The following HS3ST4 variants were observed in gnomAD, a reference collection of about 807,000 sequenced individuals.
HS3ST4 encodes heparan sulfate glucosamine 3-O-sulfotransferase 4.
HS3ST4 carries 17 observed loss-of-function variants against 29.2 expected under a neutral mutation model. The observed-to-expected ratio is 0.58, with a 90% CI of 0.40 to 0.87. The LOEUF is 0.87. HS3ST4 is among the 40% of genes least tolerant of loss of function. HS3ST4 has a pLI of 0.00. For missense variants in HS3ST4, 627 were observed against 634.5 expected, an observed-to-expected ratio of 0.99 and a Z score of 0.13; for synonymous variants, 314 against 285.7, an observed-to-expected ratio of 1.10 and a Z score of -1.00.
At chr16:25,904,138 GGA>G (rs1968153333) in intron 1 of HS3ST4, among the ~76,000 whole-genome samples, 2 of 112,874 alleles carry the variant, frequency 1.8e-5, no homozygotes, top group Non-Finnish European at 3.5e-5. Context: ...ATGGATGGAT[GGA>G]TGGATGGATG....
rs1450312459 is a variant in HS3ST4, at chr16:26,116,581, A to G, written c.735-19031A>G. Among the ~76,000 whole-genome samples the G allele has an allele frequency of 3.3e-5, 5 of 152,146 alleles. No individual in the cohort carries two copies. The East Asian group carries it at 9.6e-4, about 29-fold the overall frequency. ...AAATTTAAAGAAAAATATTGAGTCC[A>G]TGATAGCAATAACATATGTAGCATC... On this transcript the variant is annotated intron_variant, in intron 1 of 1. Coordinates refer to ENST00000331351, the MANE Select transcript of HS3ST4 (RefSeq NM_006040.3).
At chr16:25,735,055 G>C (rs1047989032) in intron 1 of HS3ST4, among the ~76,000 whole-genome samples, 16 of 152,228 alleles carry the variant, frequency 1.1e-4, no homozygotes, top group African/African-American at 3.9e-4. Context: ...GCACACTTCA[G>C]ATGTCTGTGC....
chr16:25,970,817 G>T (rs1386603947), intron 1 of HS3ST4, among the ~76,000 whole-genome samples: 1 of 151,366 alleles, frequency 6.6e-6, no homozygotes. Flanking sequence ...CCTTTCACAG[G>T]GGCACCCTTT....
At chr16:25,990,773 C>G (rs1038837920) in intron 1 of HS3ST4, among the ~76,000 whole-genome samples, 4 of 152,182 alleles carry the variant, frequency 2.6e-5, no homozygotes, top group Admixed American at 2.6e-4. Flanking sequence ...GACTCTGAGG[C>G]CACTGTCTCA....
intron 1 of HS3ST4, among the ~76,000 whole-genome samples, chr16:25,996,501 A>T (rs1033627333): frequency 6.6e-6 from 1 of 152,162 alleles, no homozygotes; most frequent in South Asian, 2.1e-4. Context: ...TTTTTACCAA[A>T]TGATAGGCAA....
At chr16:25,999,272 A>G (rs977875003) in intron 1 of HS3ST4, among the ~76,000 whole-genome samples, 1 of 152,102 alleles carries the variant, frequency 6.6e-6, no homozygotes, top group Admixed American at 6.6e-5. Flanking sequence ...TAATTTCATC[A>G]TTGTATTTTT....
chr16:26,042,982 AC>A (rs34088002), intron 1 of HS3ST4, among the ~76,000 whole-genome samples: 6 of 152,014 alleles, frequency 3.9e-5, no homozygotes, highest in Admixed American at 6.6e-5. Context: ...GCTTTCTAAC[AC>A]CCCCCAATTT....
intron 1 of HS3ST4, among the ~76,000 whole-genome samples, chr16:25,967,912 T>A (rs1024462804): frequency 6.6e-6 from 1 of 152,214 alleles, no homozygotes; most frequent in African/African-American, 2.4e-5. Flanking sequence ...CCTCAGAAGC[T>A]CTAATCTGCC....
At chr16:25,896,747 G>T (rs1268162887) in intron 1 of HS3ST4, among the ~76,000 whole-genome samples, 1 of 152,198 alleles carries the variant, frequency 6.6e-6, no homozygotes, top group Non-Finnish European at 1.5e-5. Flanking sequence ...TAACCAAGCT[G>T]TGGAATTAAT....
At chr16:26,034,672 G>A (rs1042072652) in intron 1 of HS3ST4, among the ~76,000 whole-genome samples, 3 of 150,902 alleles carry the variant, frequency 2.0e-5, no homozygotes, top group Non-Finnish European at 4.4e-5. Context: ...CAGGGGCGGG[G>A]GGGGGTCTCA....
At chr16:25,821,855 C>A (rs1361967029) in intron 1 of HS3ST4, among the ~76,000 whole-genome samples, 1 of 152,130 alleles carries the variant, frequency 6.6e-6, no homozygotes, top group Non-Finnish European at 1.5e-5. Flanking sequence ...TTGCAGTGAC[C>A]TGAGGATCGT....
chr16:25,927,473 C>T (rs561567181), intron 1 of HS3ST4, among the ~76,000 whole-genome samples: 1 of 152,320 alleles, frequency 6.6e-6, no homozygotes, highest in South Asian at 2.1e-4. Flanking sequence ...CTTCTGCCTG[C>T]ATTCTCTTTC....
intron 1 of HS3ST4, among the ~76,000 whole-genome samples, chr16:25,780,935 C>T (rs1474484816): frequency 1.3e-5 from 2 of 152,178 alleles, no homozygotes; most frequent in African/African-American, 2.4e-5. Context: ...GCCCCACTGA[C>T]TTACCGGTAC....
At chr16:26,033,772 CTG>C (rs1260699837) in intron 1 of HS3ST4, among the ~76,000 whole-genome samples, 1 of 152,040 alleles carries the variant, frequency 6.6e-6, no homozygotes, top group African/African-American at 2.4e-5. Flanking sequence ...AGCAAACAGA[CTG>C]TAGAATTGAG....
intron 1 of HS3ST4, among the ~76,000 whole-genome samples, chr16:26,046,681 T>G (rs1479171139): frequency 6.6e-6 from 1 of 152,084 alleles, no homozygotes; most frequent in Non-Finnish European, 1.5e-5. Context: ...TATCTCAGCT[T>G]CATGTAGAGA....
chr16:25,773,566 A>G (rs979054028), intron 1 of HS3ST4, among the ~76,000 whole-genome samples: 1 of 152,192 alleles, frequency 6.6e-6, no homozygotes, highest in African/African-American at 2.4e-5. Flanking sequence ...GAATTTGAAA[A>G]TAGGAAGTTA....
At chr16:25,776,678 C>T (rs772725531) in intron 1 of HS3ST4, among the ~76,000 whole-genome samples, 1 of 152,208 alleles carries the variant, frequency 6.6e-6, no homozygotes, top group Non-Finnish European at 1.5e-5. Context: ...AAAAAATGAT[C>T]AGATACCGTG....
intron 1 of HS3ST4, among the ~76,000 whole-genome samples, chr16:25,854,887 C>T (rs1967560159): frequency 6.6e-6 from 1 of 152,068 alleles, no homozygotes; most frequent in South Asian, 2.1e-4. Flanking sequence ...GGGCCACATT[C>T]AAAGCCATCC....
intron 1 of HS3ST4, among the ~76,000 whole-genome samples, chr16:26,102,606 C>T (rs1208924440): frequency 6.6e-6 from 1 of 152,176 alleles, no homozygotes; most frequent in African/African-American, 2.4e-5. Flanking sequence ...AAAACAAATA[C>T]ATTCCCCCTC....
Sources: gnomAD v4.1 joint callset for allele counts (sites outside exome capture counted in the v4.1 genomes callset) on GRCh38, gnomAD v4.1.1 for gene constraint, MANE v1.5 for transcripts, NCBI Gene and HGNC (gene_info 2026-07-23, HGNC 2026-07-21) for gene names.